The following TTC38 variants were observed in gnomAD, a reference collection of about 807,000 sequenced individuals.
TTC38 encodes tetratricopeptide repeat protein 38.
TTC38 carries 64 observed loss-of-function variants against 64.2 expected under a neutral mutation model. The ratio of observed to expected loss-of-function variants is 1.00; its 90% CI spans 0.81 to 1.23. The LOEUF is 1.23. Among genes scored for constraint, TTC38 ranks in the 50% most tolerant of loss-of-function variants. The probability of loss-of-function intolerance (pLI) is 0.00; values close to 1 mark genes in which losing one functional copy is unlikely to be tolerated. For synonymous variants in TTC38, 254 were observed against 249.3 expected, an observed-to-expected ratio of 1.02 and a Z score of -0.18; for missense variants, 573 against 615.5, an observed-to-expected ratio of 0.93 and a Z score of 0.73.
Position 46,273,977 on chromosome 22 carries a change from G to C in TTC38, c.273G>C (p.Leu91=), listed in dbSNP as rs764660012. The change falls in exon 4 of 14, where the codon CTG becomes CTC. Residue 91 remains leucine, a synonymous_variant. Transcript: ENST00000381031. The surrounding 1 kb of genome is among the most constrained non-coding windows in gnomAD (Gnocchi z 5.1). ...SSVKLDKELD[L]AVKTMVEISR... is the part of the protein sequence containing the mutation. ...TGAAGCTGGACAAAGAGCTGGACCT[G>C]GCTGTGAAGACAATGGTGGAGATTT... The C allele has an allele frequency of 6.2e-7, 1 of 1,614,236 alleles. No homozygotes were observed.
chr22:46,281,883 C>A lies in TTC38; in HGVS notation c.735+165C>A. ...AGGTGTTTGGCTGCTGAGCAGAATG[C>A]AATCAAGATTCCAGTCCCCACCCCA... On this transcript the variant is annotated intron_variant, in intron 7 of 13. Coordinates refer to ENST00000381031, the MANE Select transcript of TTC38 (RefSeq NM_017931.4). The surrounding 1 kb of genome is among the most constrained non-coding windows in gnomAD (Gnocchi z 5.2). 1 of 930,184 alleles carries A rather than the reference C, an allele frequency of 1.1e-6. No homozygotes were observed. Among genetic ancestry groups the A allele is most frequent in the Non-Finnish European group, 1.7e-6 (1 of 598,490 alleles). The allele number at this position is 930,184 out of a possible 1,614,324, so 57.6% of individuals were successfully genotyped here.
chr22:46,268,022 A>T lies in TTC38; in HGVS notation c.-18A>T, dbSNP rs757737391. ...CCCGGGTGCCCAGAGCTCGCGGTGGACTCCGACCCGGCGCAACATGGCCGC... is the reference window on the plus strand; with the variant it reads ...CCCGGGTGCCCAGAGCTCGCGGTGGTCTCCGACCCGGCGCAACATGGCCGC... On this transcript the variant is annotated 5_prime_UTR_variant, in exon 1 of 14. Coordinates refer to ENST00000381031, the MANE Select transcript of TTC38 (RefSeq NM_017931.4). 2 of 1,532,170 alleles carry T rather than the reference A, an allele frequency of 1.3e-6. No homozygotes were observed. Among genetic ancestry groups the T allele is most frequent in the African/African-American group, 1.4e-5 (1 of 70,992 alleles). 94.9% of individuals were successfully genotyped at this position (1,532,170 alleles called of 1,614,324 possible).
At position 46,276,742 on chromosome 22, in the gene TTC38, T is replaced by C. The variant is rs550301834; in HGVS notation, c.539+1321T>C. On this transcript the variant is annotated intron_variant, in intron 5 of 13. Coordinates refer to ENST00000381031, the MANE Select transcript of TTC38 (RefSeq NM_017931.4). The surrounding 1 kb of genome is among the most constrained non-coding windows in gnomAD (Gnocchi z 4.7). ...AAAATATATATATTAAAAAAATATA[T>C]ATAAAATACATATATTAAAAATATA... Among the ~76,000 whole-genome samples the C allele has an allele frequency of 1.4e-3, 201 of 144,468 alleles. 1 individual carries two copies. The highest frequency in any genetic ancestry group is 4.9e-3 in the African/African-American group (192 of 39,524). The allele number at this position is 144,468 out of a possible 152,430, so 94.8% of individuals were successfully genotyped here. A position where few individuals can be genotyped will look rare whatever the true frequency, so the allele number is the denominator to read the frequency against.
chr22:46,286,694 G>C (rs1481784361), intron 9 of TTC38, among the ~76,000 whole-genome samples: 4 of 152,076 alleles, frequency 2.6e-5, no homozygotes, highest in Non-Finnish European at 5.9e-5. Context: ...AAGAAATGAA[G>C]GGTGACATAC....
In TTC38 at chr22:46,275,286, T is replaced by G. The variant is rs1936983527; in HGVS notation, c.404T>G (p.Leu135Arg). The G allele has an allele frequency of 6.2e-7, 1 of 1,614,078 alleles. No individual in the cohort carries two copies. The highest frequency in any genetic ancestry group is 1.3e-5 in the African/African-American group (1 of 74,932). ...PKACELWEQI[L>R]QDHPTDMLAL... ...GCCTGTGAACTATGGGAACAGATTC[T>G]CCAGGACCACCCGACAGACATGTTG... is the stretch of plus-strand genomic sequence containing the variant. Residue 135 changes from leucine (L) to arginine (R), a missense_variant, in exon 5 of 14, where the codon CTC becomes CGC. By Grantham distance (102) the Leu-to-Arg change is moderately radical. This residue lies in a region of TTC38 where 68 missense variants were observed against 107.3 expected (regional missense o/e 0.63). Coordinates refer to ENST00000381031, the MANE Select transcript of TTC38 (RefSeq NM_017931.4). This position sits in a 1 kb window ranked among gnomAD's most constrained non-coding sequence, Gnocchi z 4.5.
Position 46,279,108 on chromosome 22 carries a change from G to A in TTC38, c.615+447G>A, listed in dbSNP as rs562390419. Among the ~76,000 whole-genome samples the A allele has an allele frequency of 3.3e-5, 5 of 152,310 alleles. No homozygotes were observed. The South Asian group carries it at 6.2e-4, about 19-fold the overall frequency. ...CTTCGCATTTCTAAGCATCACTCAC[G>A]GCACCAGAGGTTCAGGGAGCTGAGT... On this transcript the variant is annotated intron_variant, in intron 6 of 13. Coordinates refer to ENST00000381031, the MANE Select transcript of TTC38 (RefSeq NM_017931.4).
At chr22:46,277,032 TAC>T (rs1156544749) in intron 5 of TTC38, among the ~76,000 whole-genome samples, 1 of 86,080 alleles carries the variant, frequency 1.2e-5, no homozygotes, top group Non-Finnish European at 2.1e-5. Flanking sequence ...CAGTAAACAA[TAC>T]ATATATATAC....
intron 12 of TTC38, 119 bp downstream of exon 12, chr22:46,289,680 C>T (rs2077598852): frequency 2.8e-6 from 4 of 1,450,386 alleles, no homozygotes; most frequent in Non-Finnish European, 2.9e-6. Context: ...GAACGTGTCT[C>T]TCACACTCCC....
chr22:46,284,979 C>A (rs1221689982), intron 8 of TTC38, among the ~76,000 whole-genome samples: 1 of 151,804 alleles, frequency 6.6e-6, no homozygotes, highest in Non-Finnish European at 1.5e-5. Flanking sequence ...AGAGAGAATG[C>A]TTCCACAGCA....
At position 46,273,548 on chromosome 22, in the gene TTC38, C is replaced by G. The variant is rs889482268; in HGVS notation, c.194-350C>G. On this transcript the variant is annotated intron_variant, in intron 3 of 13. Transcript: ENST00000381031. This position sits in a 1 kb window ranked among gnomAD's most constrained non-coding sequence, Gnocchi z 5.1. ...CCCTTATGAGCAGCATCCACTGATG[C>G]CTCCCGGGAGCCGTGTGCTGGCTGT... Among the ~76,000 whole-genome samples the G allele has an allele frequency of 4.6e-5, 7 of 152,232 alleles. No individual in the cohort carries two copies. Among genetic ancestry groups the G allele is most frequent in the African/African-American group, 1.7e-4 (7 of 41,462 alleles).
intron 13 of TTC38, among the ~76,000 whole-genome samples, chr22:46,290,629 GCTGGAAGGTGTGTTAGGGTGGCGT>G (rs2077608652): frequency 7.1e-6 from 1 of 140,106 alleles, no homozygotes; most frequent in African/African-American, 3.1e-5. Flanking sequence ...GGGTGGCGTG[GCTGGAAGGTGTGTTAGGGTGGCGT>G]GGCTGGAGGG....
At chr22:46,286,995 C>A in intron 9 of TTC38, 78 bp from the exon 10 acceptor site, 1 of 1,193,616 alleles carries the variant, frequency 8.4e-7, no homozygotes, top group Non-Finnish European at 1.2e-6. Context: ...CCCACCTGGA[C>A]AGGCTGACCC....
rs2147803776 is a variant in TTC38 at position 46,291,341 on chromosome 22, C to A, written c.1316+1442C>A. ...TGGAGCTGGGGTGACATCTGTGGGG[C>A]AGTGCGGCAGTGCCGATGTGGCCTT... On this transcript the variant is annotated intron_variant, in intron 13 of 13. Coordinates refer to ENST00000381031, the MANE Select transcript of TTC38 (RefSeq NM_017931.4). The surrounding 1 kb of genome is among the most constrained non-coding windows in gnomAD (Gnocchi z 4.6). Among the ~76,000 whole-genome samples the A allele has an allele frequency of 6.6e-6, 1 of 152,164 alleles. No homozygotes were observed. Among genetic ancestry groups the A allele is most frequent in the African/African-American group, 2.4e-5 (1 of 41,524 alleles).
chr22:46,272,211 G>A lies in TTC38; in HGVS notation c.112-124G>A, dbSNP rs1246615798. On this transcript the variant is annotated intron_variant, in intron 2 of 13. Coordinates refer to ENST00000381031, the MANE Select transcript of TTC38 (RefSeq NM_017931.4). The surrounding 1 kb of genome is among the most constrained non-coding windows in gnomAD (Gnocchi z 6.4). The stretch of plus-strand genomic sequence containing the variant: ...TTACCGTGTTGGTCAGGCTGGTCTC[G>A]AACTCCTGACCTCAGATGTTCTGCC... The A allele has an allele frequency of 4.1e-5, 28 of 684,426 alleles. No homozygotes were observed. The highest frequency in any genetic ancestry group is 5.7e-5 in the East Asian group (2 of 35,226). 42.4% of individuals were successfully genotyped at this position (684,426 alleles called of 1,614,324 possible). A position where few individuals can be genotyped will look rare whatever the true frequency, so the allele number is the denominator to read the frequency against.
chr22:46,288,345 C>A (rs929478492), intron 10 of TTC38, 78 bp from the exon 11 acceptor site: 1 of 1,453,782 alleles, frequency 6.9e-7, no homozygotes, highest in Non-Finnish European at 9.4e-7. Context: ...CCAAGGGAAG[C>A]GCCGTGAGGG....
In TTC38 at chr22:46,282,967, C is replaced by T. The variant is rs1251314555; in HGVS notation, c.736-1006C>T. Among the ~76,000 whole-genome samples, 3 of 152,038 alleles carry T rather than the reference C, an allele frequency of 2.0e-5. No individual in the cohort carries two copies. Among genetic ancestry groups the T allele is most frequent in the Admixed American group, 1.3e-4 (2 of 15,262 alleles). On this transcript the variant is annotated intron_variant, in intron 7 of 13. Transcript: ENST00000381031. This position sits in a 1 kb window ranked among gnomAD's most constrained non-coding sequence, Gnocchi z 4.4. ...TTTTTGAGACAAGTTCTCTCTCTGT[C>T]GCCCAAGGTGGAGTGCAGTGGCACA...
In TTC38 at chr22:46,276,759, A is replaced by AAAAATATATATTAAATATATATT. The variant is rs130645; in HGVS notation, c.539+1354_539+1376dup. On this transcript the variant is annotated intron_variant, in intron 5 of 13. Coordinates refer to ENST00000381031, the MANE Select transcript of TTC38 (RefSeq NM_017931.4). The surrounding 1 kb of genome is among the most constrained non-coding windows in gnomAD (Gnocchi z 4.7). ...AAAATATATATAAAATACATATATT[A>AAAAATATATATTAAATATATATT]AAAATATATATTAAATATATATTAA... is the stretch of plus-strand genomic sequence containing the variant. 2.1e-5 allele frequency among the ~76,000 whole-genome samples: 3 copies of AAAAATATATATTAAATATATATT among 145,162 alleles called. No individual in the cohort carries two copies. The highest frequency in any genetic ancestry group is 3.0e-5 in the Non-Finnish European group (2 of 66,538).
rs754877384 is a variant in TTC38 at position 46,272,377 on chromosome 22, G to C, written c.154G>C (p.Gly52Arg). The C allele has an allele frequency of 6.3e-7, 1 of 1,595,538 alleles. No individual in the cohort carries two copies. Among genetic ancestry groups the C allele is most frequent in the African/African-American group, 1.4e-5 (1 of 71,556 alleles). ...TNDKSLGGIE[G>R]CLSKLKAADP... is the part of the protein sequence containing the mutation. ...TGACAAGAGTCTCGGTGGCATCGAG[G>C]GCTGCCTGTCAAAGCTCAAAGCAGC... Residue 52 changes from glycine to arginine, a missense_variant, in exon 3 of 14, where the codon GGC (glycine) becomes CGC (arginine). Coordinates refer to ENST00000381031, the MANE Select transcript of TTC38 (RefSeq NM_017931.4). This position sits in a 1 kb window ranked among gnomAD's most constrained non-coding sequence, Gnocchi z 6.4.
Position 46,282,026 on chromosome 22 carries a change from G to A in TTC38, c.735+308G>A, listed in dbSNP as rs558596831. 53 of 537,144 alleles carry A rather than the reference G, an allele frequency of 9.9e-5. 1 individual carries two copies. The East Asian group carries it at 1.5e-3, about 15-fold the overall frequency. 33.3% of individuals were successfully genotyped at this position (537,144 alleles called of 1,614,324 possible). The stretch of plus-strand genomic sequence containing the variant: ...CAAAGCACATGAGCTGCACCATGAC[G>A]GGGACCCTCTGTGGGATGTGGAAAC... On this transcript the variant is annotated intron_variant, in intron 7 of 13. Coordinates refer to ENST00000381031, the MANE Select transcript of TTC38 (RefSeq NM_017931.4). The surrounding 1 kb of genome is among the most constrained non-coding windows in gnomAD (Gnocchi z 4.4).
Sources: gnomAD v4.1 joint callset for allele counts (sites outside exome capture counted in the v4.1 genomes callset) on GRCh38, gnomAD v4.1.1 for gene constraint, gnomAD v4.1.1 regional missense constraint, Gnocchi (gnomAD v3.1) non-coding constraint, MANE v1.5 for transcripts, NCBI Gene and HGNC (gene_info 2026-07-23, HGNC 2026-07-21) for gene names.